The following ARMC3 variants were observed in gnomAD, a reference collection of about 807,000 sequenced individuals.
ARMC3 encodes the protein armadillo repeat containing 3.
In ARMC3, 74 loss-of-function variants were observed where a neutral mutation model predicts 90.3. The ratio of observed to expected loss-of-function variants is 0.82; its 90% CI spans 0.68 to 0.99. ARMC3 has a LOEUF of 0.99. ARMC3 is among the 50% of genes least tolerant of loss of function. ARMC3 has a pLI of 0.00. For missense variants in ARMC3, 958 were observed against 1,042.8 expected (o/e 0.92, Z 1.12); for synonymous variants, 334 against 361.8 (o/e 0.92, Z 0.87).
rs568980684 is a variant in ARMC3 at position 23,036,058 on chromosome 10, A to T, written c.2410-1212A>T. Among the ~76,000 whole-genome samples the T allele has an allele frequency of 5.1e-4, 78 of 152,300 alleles. 1 individual carries two copies. The East Asian group carries it at 0.014, about 28-fold the overall frequency. On this transcript the variant is annotated intron_variant, in intron 18 of 18. Transcript: ENST00000298032. ...GACCTTAGGAAAATTATGCGACCTC[A>T]GTTTTACCCTCTATAAAACGGGGAA...
intron 1 of ARMC3, among the ~76,000 whole-genome samples, chr10:22,929,247 AAG>A (rs1418897178): frequency 2.6e-5 from 4 of 151,094 alleles, no homozygotes; most frequent in Admixed American, 2.6e-4. Context: ...AAAAGAAAAA[AAG>A]AGAAGAGAGA....
chr10:22,957,220 T>C (rs1464319593), intron 4 of ARMC3, among the ~76,000 whole-genome samples: 2 of 152,214 alleles, frequency 1.3e-5, no homozygotes, highest in African/African-American at 4.8e-5. Context: ...CCCCGTGTGA[T>C]GACAGTGAGG....
intron 14 of ARMC3, 42 bp from the exon 15 acceptor site, chr10:23,008,230 CAAAT>C (rs1398146230): frequency 5.0e-6 from 5 of 1,003,670 alleles, no homozygotes; most frequent in Admixed American, 3.1e-5. Context: ...CATCTGTTGA[CAAAT>C]AATTTTAATC....
At chr10:22,956,061 T>A (rs1834926831) in intron 4 of ARMC3, 129 bp downstream of exon 4, 2 of 909,496 alleles carry the variant, frequency 2.2e-6, no homozygotes, top group African/African-American at 3.4e-5. Flanking sequence ...AAACATTTTA[T>A]CAGTATAATG....
At chr10:22,983,089 A>G (rs927627670) in intron 10 of ARMC3, among the ~76,000 whole-genome samples, 4 of 152,200 alleles carry the variant, frequency 2.6e-5, no homozygotes, top group African/African-American at 9.6e-5. Flanking sequence ...CAGTTTGAAA[A>G]TAGCATATTC....
intron 10 of ARMC3, among the ~76,000 whole-genome samples, chr10:22,993,874 G>A (rs1316464710): frequency 6.6e-6 from 1 of 152,182 alleles, no homozygotes; most frequent in Non-Finnish European, 1.5e-5. Context: ...TATTTTTAGT[G>A]AGCCATAGAC....
chr10:23,015,139 T>C (rs1209316053), intron 16 of ARMC3, among the ~76,000 whole-genome samples: 1 of 152,188 alleles, frequency 6.6e-6, no homozygotes, highest in Non-Finnish European at 1.5e-5. Context: ...TGAAGTGTTC[T>C]AATATGGAGA....
At position 23,030,727 on chromosome 10, in the gene ARMC3, A is replaced by C. The variant is rs576586641; in HGVS notation, c.2177A>C (p.Tyr726Ser). The change falls in exon 17 of 19, where the codon TAT (tyrosine) becomes TCT (serine). Residue 726 changes from tyrosine to serine, a missense_variant. Coordinates refer to ENST00000298032, the MANE Select transcript of ARMC3 (RefSeq NM_173081.5). ...CCCTCTGACCCTGATTTCTCTATGT[A>C]TGTGTATGAGGTGACCAAATCAATA... ...CPPSDPDFSM[Y>S]VYEVTKSILP... 6 of 1,613,868 alleles carry C rather than the reference A, an allele frequency of 3.7e-6. No homozygotes were observed. The highest frequency in any genetic ancestry group is 5.1e-6 in the Non-Finnish European group (6 of 1,179,816).
intron 3 of ARMC3, among the ~76,000 whole-genome samples, chr10:22,952,806 G>A (rs1270152930): frequency 6.6e-6 from 1 of 152,128 alleles, no homozygotes; most frequent in Non-Finnish European, 1.5e-5. Flanking sequence ...ATTCAACAAT[G>A]TATAAAAAAA....
At chr10:22,977,404 G>A (rs185320460) in intron 8 of ARMC3, among the ~76,000 whole-genome samples, 2 of 152,184 alleles carry the variant, frequency 1.3e-5, no homozygotes, top group East Asian at 3.9e-4. Context: ...GGCCCTCATT[G>A]GAATACCAAG....
intron 7 of ARMC3, among the ~76,000 whole-genome samples, chr10:22,967,670 C>G (rs1345366471): frequency 6.6e-6 from 1 of 152,192 alleles, no homozygotes; most frequent in African/African-American, 2.4e-5. Context: ...GCCATTCTAT[C>G]AAGCCAGCTG....
intron 8 of ARMC3, among the ~76,000 whole-genome samples, chr10:22,970,337 G>A (rs978511117): frequency 4.6e-5 from 7 of 152,140 alleles, no homozygotes; most frequent in African/African-American, 1.7e-4. Context: ...TTCCAGAACC[G>A]AAAGTTTTCA....
chr10:22,966,033 T>C (rs935917455), intron 7 of ARMC3, among the ~76,000 whole-genome samples: 3 of 152,252 alleles, frequency 2.0e-5, no homozygotes, highest in Non-Finnish European at 4.4e-5. Context: ...GAATGAGCAT[T>C]GTAGATAATA....
chr10:22,969,649 G>A (rs1266339613), intron 8 of ARMC3, among the ~76,000 whole-genome samples: 2 of 152,200 alleles, frequency 1.3e-5, no homozygotes, highest in Non-Finnish European at 2.9e-5. Context: ...GGTTTACCCA[G>A]TATTCTATCA....
chr10:22,934,806 G>A (rs1278307246), intron 2 of ARMC3, among the ~76,000 whole-genome samples: 9 of 152,144 alleles, frequency 5.9e-5, no homozygotes, highest in African/African-American at 1.9e-4. Context: ...CTTGGTAGAT[G>A]TTATTATTAT....
intron 13 of ARMC3, chr10:23,006,617 A>G (rs1837625715): frequency 1.1e-5 from 4 of 370,972 alleles, no homozygotes; most frequent in Non-Finnish European, 2.0e-5. Context: ...AAATACTTCC[A>G]GGGGCCAAGA....
chr10:22,941,095 G>C (rs1834310088), intron 2 of ARMC3, among the ~76,000 whole-genome samples: 1 of 151,980 alleles, frequency 6.6e-6, no homozygotes. Flanking sequence ...GTACACAAAG[G>C]GTCCCTATGT....
At chr10:23,023,279 C>T (rs535449448) in intron 16 of ARMC3, among the ~76,000 whole-genome samples, 6 of 152,268 alleles carry the variant, frequency 3.9e-5, no homozygotes, top group Non-Finnish European at 7.3e-5. Context: ...AAAACACGTA[C>T]ACTCACTGAA....
intron 3 of ARMC3, 74 bp from the exon 4 acceptor site, chr10:22,955,733 T>G: frequency 6.6e-7 from 1 of 1,526,640 alleles, no homozygotes; most frequent in Non-Finnish European, 8.8e-7. Flanking sequence ...AATAAGAAAT[T>G]GGAATGGCAC....
Sources: allele counts gnomAD v4.1 joint callset (sites outside exome capture counted in the v4.1 genomes callset), GRCh38; gene constraint gnomAD v4.1.1; transcripts MANE v1.5; gene names NCBI Gene and HGNC (gene_info 2026-07-23, HGNC 2026-07-21).